The following ACBD6 variants were observed in gnomAD, a reference collection of about 807,000 sequenced individuals.
ACBD6 encodes the protein acyl-CoA-binding domain-containing protein 6.
A neutral mutation model predicts 37.2 loss-of-function variants in ACBD6; 28 were observed. That is an observed-to-expected ratio of 0.75 (90% CI 0.56 to 1.03). The LOEUF is 1.03. Among genes scored for constraint, ACBD6 ranks in the 50% least tolerant of loss-of-function variants. The pLI, the probability that ACBD6 is intolerant of heterozygous loss-of-function variation, is 0.00. For synonymous variants in ACBD6, 113 were observed against 126.8 expected (o/e 0.89, Z 0.73); for missense variants, 340 against 337.4 (o/e 1.01, Z -0.06).
At chr1:180,372,852 CT>C (rs930414738) in intron 6 of ACBD6, among the ~76,000 whole-genome samples, 24 of 152,198 alleles carry the variant, frequency 1.6e-4, no homozygotes, top group Admixed American at 7.9e-4. Flanking sequence ...ACCAAGACCT[CT>C]GGCCAGTGTC....
chr1:180,455,219 C>T (rs1016458702), intron 3 of ACBD6, among the ~76,000 whole-genome samples: 1 of 152,076 alleles, frequency 6.6e-6, no homozygotes, highest in Admixed American at 6.6e-5. Context: ...ATGTCCTTTA[C>T]AGGGACATGG....
At chr1:180,468,591 TTCTC>T (rs1398680610) in intron 3 of ACBD6, among the ~76,000 whole-genome samples, 4 of 152,324 alleles carry the variant, frequency 2.6e-5, no homozygotes, top group Non-Finnish European at 5.9e-5. Flanking sequence ...TTGAACATCT[TTCTC>T]TGTTTATTGG....
At chr1:180,272,971 T>C (rs911928053) in intron 12 of ACBD6, 1 of 152,278 alleles carries the variant, frequency 6.6e-6, no homozygotes, top group Non-Finnish European at 1.5e-5. Context: ...ATGACAGGTA[T>C]AGGGAAAAGG....
At chr1:180,297,210 C>T (rs1038409784) in intron 7 of ACBD6, among the ~76,000 whole-genome samples, 4 of 152,132 alleles carry the variant, frequency 2.6e-5, no homozygotes, top group Admixed American at 6.5e-5. Flanking sequence ...CAGGGCTTCA[C>T]GGCTATGTGC....
intron 6 of ACBD6, among the ~76,000 whole-genome samples, chr1:180,331,418 T>C (rs1287641521): frequency 6.6e-6 from 1 of 152,230 alleles, no homozygotes; most frequent in Non-Finnish European, 1.5e-5. Context: ...AATATCCTAA[T>C]ATGGTATCAA....
intron 3 of ACBD6, among the ~76,000 whole-genome samples, chr1:180,475,640 C>T (rs1198629295): frequency 6.6e-6 from 1 of 152,168 alleles, no homozygotes; most frequent in Non-Finnish European, 1.5e-5. Context: ...CCATCCTGGC[C>T]TCCCGAAGTG....
chr1:180,481,244 G>T (rs1009105522), intron 3 of ACBD6, among the ~76,000 whole-genome samples: 1 of 108,946 alleles, frequency 9.2e-6, no homozygotes, highest in South Asian at 3.9e-4. Flanking sequence ...GCTTGTTTTT[G>T]ATTTTTTTTT....
intron 3 of ACBD6, among the ~76,000 whole-genome samples, chr1:180,488,526 G>A (rs1014652562): frequency 6.6e-6 from 1 of 151,686 alleles, no homozygotes; most frequent in African/African-American, 2.4e-5. Context: ...TAACAACAGG[G>A]CTCTGGACTC....
chr1:180,407,437 GT>G (rs1224963214), intron 5 of ACBD6, among the ~76,000 whole-genome samples: 1 of 152,184 alleles, frequency 6.6e-6, no homozygotes, highest in Non-Finnish European at 1.5e-5. Context: ...GTGTTATTTA[GT>G]GTAAGCTATC....
At chr1:180,355,078 G>GC (rs1652571069) in intron 6 of ACBD6, among the ~76,000 whole-genome samples, 1 of 152,202 alleles carries the variant, frequency 6.6e-6, no homozygotes, top group Admixed American at 6.5e-5. Context: ...TAAAAACAAT[G>GC]ATGGTAGTGG....
At chr1:180,351,388 G>T (rs1302696901) in intron 6 of ACBD6, among the ~76,000 whole-genome samples, 1 of 151,042 alleles carries the variant, frequency 6.6e-6, no homozygotes, top group East Asian at 1.9e-4. Context: ...CAATTCTCCT[G>T]CCTCGGCCTC....
At chr1:180,356,284 A>C (rs1014365469) in intron 6 of ACBD6, among the ~76,000 whole-genome samples, 21 of 151,928 alleles carry the variant, frequency 1.4e-4, no homozygotes, top group African/African-American at 5.1e-4. Flanking sequence ...TGATCCTGCC[A>C]CCTCAGCCTT....
intron 2 of ACBD6, 83 bp from the exon 3 acceptor site, chr1:180,492,448 G>A: frequency 9.4e-7 from 1 of 1,063,172 alleles, no homozygotes; most frequent in Admixed American, 1.8e-5. Flanking sequence ...AAAACTGTAT[G>A]CACATTTCAA....
chr1:180,369,796 T>C (rs565315728), intron 6 of ACBD6, among the ~76,000 whole-genome samples: 2 of 152,150 alleles, frequency 1.3e-5, no homozygotes, highest in Admixed American at 6.5e-5. Flanking sequence ...TAGAACAAAG[T>C]ATTTAGCATC....
At chr1:180,351,444 T>C (rs923454256) in intron 6 of ACBD6, among the ~76,000 whole-genome samples, 18 of 151,916 alleles carry the variant, frequency 1.2e-4, no homozygotes, top group African/African-American at 4.1e-4. Context: ...CCTGGCTAAT[T>C]TTTTGTATTT....
intron 5 of ACBD6, among the ~76,000 whole-genome samples, chr1:180,404,917 C>T (rs541082123): frequency 6.6e-6 from 1 of 152,258 alleles, no homozygotes; most frequent in East Asian, 1.9e-4. Flanking sequence ...TGTATTAAAT[C>T]TAAGTTTCTG....
At chr1:180,306,041 T>G (rs1489554608) in intron 7 of ACBD6, among the ~76,000 whole-genome samples, 1 of 134,794 alleles carries the variant, frequency 7.4e-6, no homozygotes, top group Non-Finnish European at 1.5e-5. Flanking sequence ...AGGTGGGAAT[T>G]GAACAATGAG....
intron 3 of ACBD6, chr1:180,435,545 C>G: frequency 1.1e-6 from 1 of 879,326 alleles, no homozygotes; most frequent in Non-Finnish European, 1.8e-6. Context: ...GCGACCATGC[C>G]CAGCCTGGAT....
At chr1:180,335,809 G>A (rs1651689013) in intron 6 of ACBD6, among the ~76,000 whole-genome samples, 1 of 145,282 alleles carries the variant, frequency 6.9e-6, no homozygotes, top group South Asian at 2.2e-4. Flanking sequence ...ATAAAGGGAT[G>A]GAGGAAGATC....
Sources: gnomAD v4.1 joint callset for allele counts (sites outside exome capture counted in the v4.1 genomes callset) on GRCh38, gnomAD v4.1.1 for gene constraint, MANE v1.5 for transcripts, NCBI Gene and HGNC (gene_info 2026-07-23, HGNC 2026-07-21) for gene names.